The following ZNF445 variants were observed in gnomAD, a reference collection of about 807,000 sequenced individuals.
The protein encoded by ZNF445 is zinc finger protein 168.
In ZNF445, 19 loss-of-function variants were observed where a neutral mutation model predicts 93.9. That is an observed-to-expected ratio of 0.20 (90% CI 0.14 to 0.30). ZNF445 has a LOEUF of 0.30. Ranked by LOEUF, ZNF445 falls within the 10% of genes least tolerant of loss-of-function variation. The pLI is 1.00. For synonymous variants in ZNF445, 449 were observed against 446.3 expected (o/e 1.01, Z -0.08); for missense variants, 1,058 against 1,259.4 (o/e 0.84, Z 2.42).
intron 3 of ZNF445, 72 bp from the exon 4 acceptor site, chr3:44,451,554 G>T: frequency 6.6e-7 from 1 of 1,515,752 alleles, no homozygotes; most frequent in South Asian, 1.2e-5. Context: ...GAGACCACAT[G>T]ACCAATCTCT....
Position 44,455,559 on chromosome 3 carries a change from T to TG in ZNF445, c.-11_-10insC, listed in dbSNP as rs766722030. 7 of 1,578,482 alleles carry TG rather than the reference T, an allele frequency of 4.4e-6. No individual in the cohort carries two copies. ...ACCTGCCTGGAGGCATCACTCCTGTTCAGGGACTAACCAGAAGAGTGCGAA... is the reference window on the plus strand; with the variant it reads ...ACCTGCCTGGAGGCATCACTCCTGTTGCAGGGACTAACCAGAAGAGTGCGAA... On this transcript the variant is annotated 5_prime_UTR_variant, in exon 3 of 8. Transcript: ENST00000396077.
At position 44,448,491 on chromosome 3, in the gene ZNF445, T is replaced by C; in HGVS notation, c.1180A>G (p.Asn394Asp). ...GTAACATGTTTTAAGTCAAGACTAT[T>C]ACTTCCTGATACTTCAGAGTCTTTT... ...TGKDSEVSGS[N>D]SLDLKHVTYL... is the part of the protein sequence containing the mutation. Residue 394 changes from asparagine (N) to aspartate (D), a missense_variant, in exon 8 of 8, where the codon AAT becomes GAT. Physicochemically the swap from Asn to Asp is conservative, Grantham distance 23. Coordinates refer to ENST00000396077, the MANE Select transcript of ZNF445 (RefSeq NM_181489.6). 1 of 1,613,566 alleles carries C rather than the reference T, an allele frequency of 6.2e-7. No individual in the cohort carries two copies. The highest frequency in any genetic ancestry group is 8.5e-7 in the Non-Finnish European group (1 of 1,179,906).
At chr3:44,468,303 C>G (rs1391088606) in intron 1 of ZNF445, among the ~76,000 whole-genome samples, 3 of 152,210 alleles carry the variant, frequency 2.0e-5, no homozygotes, top group Non-Finnish European at 4.4e-5. Flanking sequence ...TGAAAGAGAT[C>G]TAACTTAACT....
At chr3:44,462,933 GC>G in intron 1 of ZNF445, among the ~76,000 whole-genome samples, 1 of 151,586 alleles carries the variant, frequency 6.6e-6, no homozygotes. Flanking sequence ...TATTTAAAAG[GC>G]CTTTTTTTTT....
rs1324777038 is a variant in ZNF445, at chr3:44,448,471, A to G, written c.1200T>C (p.His400=). 5.6e-6 allele frequency: 9 copies of G among 1,613,574 alleles called. No individual in the cohort carries two copies. Among genetic ancestry groups the G allele is most frequent in the Non-Finnish European group, 6.8e-6 (8 of 1,179,948 alleles). ...TTCCAGAAACTCTCAAATATGTAAC[A>G]TGTTTTAAGTCAAGACTATTACTTC... ...VSGSNSLDLK[H]VTYLRVSGRK... Residue 400 remains histidine (H), a synonymous_variant, in exon 8 of 8, where the codon CAT becomes CAC. Transcript: ENST00000396077.
At chr3:44,449,867 T>C (rs1489211032) in intron 6 of ZNF445, among the ~76,000 whole-genome samples, 1 of 152,206 alleles carries the variant, frequency 6.6e-6, no homozygotes, top group South Asian at 2.1e-4. Flanking sequence ...TCTACTTAAT[T>C]GGTTACATCA....
At chr3:44,454,262 C>T (rs1434946592) in intron 3 of ZNF445, among the ~76,000 whole-genome samples, 3 of 151,622 alleles carry the variant, frequency 2.0e-5, no homozygotes, top group Admixed American at 6.6e-5. Flanking sequence ...GCCTGCAGAG[C>T]GCTCTTCTGA....
intron 1 of ZNF445, among the ~76,000 whole-genome samples, chr3:44,469,448 A>G (rs1426823026): frequency 6.6e-6 from 1 of 152,146 alleles, no homozygotes; most frequent in East Asian, 1.9e-4. Context: ...AACATGCATG[A>G]CGGCTGCTGA....
intron 1 of ZNF445, among the ~76,000 whole-genome samples, chr3:44,463,267 C>G (rs1698144972): frequency 6.6e-6 from 1 of 152,112 alleles, no homozygotes; most frequent in South Asian, 2.1e-4. Flanking sequence ...AACTCCTGAC[C>G]TCAGGTGATC....
rs1270439374 is a variant in ZNF445 at position 44,434,920 on chromosome 3, T to C, written c.*11655A>G. ...GTAACTCAACTTTTACGTGCTACCT[T>C]ATAGATAACATTTATAAGTCACCAT... On this transcript the variant is annotated 3_prime_UTR_variant, in exon 8 of 8. Transcript: ENST00000396077. The C allele has an allele frequency of 6.6e-6, 1 of 152,200 alleles. No homozygotes were observed. The highest frequency in any genetic ancestry group is 1.5e-5 in the Non-Finnish European group (1 of 68,056). The allele number at this position is 152,200 out of a possible 1,614,324, so 9.4% of individuals were successfully genotyped here.
rs538300267 is a variant in ZNF445 at position 44,449,677 on chromosome 3, T to G, written c.821-54A>C. ...AGGGAGATGGATGACACAGAACTACTCTTCAGGACCTCTGGGCCTGAAGTC... is the reference window on the plus strand; with the variant it reads ...AGGGAGATGGATGACACAGAACTACGCTTCAGGACCTCTGGGCCTGAAGTC... On this transcript the variant is annotated intron_variant, in intron 6 of 7. Coordinates refer to ENST00000396077, the MANE Select transcript of ZNF445 (RefSeq NM_181489.6). The G allele has an allele frequency of 2.2e-5, 32 of 1,442,616 alleles. No individual in the cohort carries two copies. The African/African-American group carries it at 4.5e-4, about 20-fold the overall frequency. The allele number at this position is 1,442,616 out of a possible 1,614,324, so 89.4% of individuals were successfully genotyped here. A position where few individuals can be genotyped will look rare whatever the true frequency, so the allele number is the denominator to read the frequency against.
chr3:44,470,092 C>A (rs1163689994), intron 1 of ZNF445, among the ~76,000 whole-genome samples: 1 of 152,048 alleles, frequency 6.6e-6, no homozygotes, highest in African/African-American at 2.4e-5. Context: ...CCTCACTCTG[C>A]CTGACTTTTT....
intron 1 of ZNF445, among the ~76,000 whole-genome samples, chr3:44,461,763 A>C (rs1310371710): frequency 6.6e-6 from 1 of 152,206 alleles, no homozygotes; most frequent in Non-Finnish European, 1.5e-5. Flanking sequence ...TGGGATAGAA[A>C]ATGTTAATTC....
At chr3:44,460,186 G>A (rs1459614806) in intron 1 of ZNF445, among the ~76,000 whole-genome samples, 4 of 152,122 alleles carry the variant, frequency 2.6e-5, no homozygotes, top group Admixed American at 1.3e-4. Context: ...AAGTGAAACC[G>A]CCTTTGCAAA....
At chr3:44,455,007 G>C (rs1283324223) in intron 3 of ZNF445, 114 bp downstream of exon 3, 8 of 1,308,348 alleles carry the variant, frequency 6.1e-6, no homozygotes, top group Middle Eastern at 1.8e-4. Flanking sequence ...AAGAAAGGAA[G>C]GCTTCCCCTG....
At chr3:44,461,183 T>C (rs1038899735) in intron 1 of ZNF445, among the ~76,000 whole-genome samples, 13 of 152,170 alleles carry the variant, frequency 8.5e-5, no homozygotes, top group African/African-American at 2.9e-4. Context: ...TGTAGCCCTA[T>C]GGTGTGGTGT....
At chr3:44,451,071 G>T in intron 4 of ZNF445, 109 bp from the exon 5 acceptor site, 1 of 1,049,520 alleles carries the variant, frequency 9.5e-7, no homozygotes, top group Non-Finnish European at 1.4e-6. Context: ...GGTACATAAT[G>T]TTGTTAAATA....
intron 6 of ZNF445, 66 bp downstream of exon 6, chr3:44,450,381 A>G: frequency 1.2e-6 from 2 of 1,604,952 alleles, no homozygotes; most frequent in South Asian, 2.2e-5. Context: ...CTTTCTATGC[A>G]GCACAGAACA....
At chr3:44,466,346 G>A (rs1698194682) in intron 1 of ZNF445, among the ~76,000 whole-genome samples, 1 of 151,986 alleles carries the variant, frequency 6.6e-6, no homozygotes, top group South Asian at 2.1e-4. Context: ...TTAGATATTA[G>A]GTCCTCTAAA....
Sources: gnomAD v4.1 joint callset for allele counts (sites outside exome capture counted in the v4.1 genomes callset) on GRCh38, gnomAD v4.1.1 for gene constraint, MANE v1.5 for transcripts, NCBI Gene and HGNC (gene_info 2026-07-23, HGNC 2026-07-21) for gene names.